Variants in OSBPL8 observed in about 807,000 individuals in gnomAD.
The protein encoded by OSBPL8 is oxysterol-binding protein-related protein 8.
OSBPL8 carries 59 observed loss-of-function variants against 125.5 expected under a neutral mutation model. The observed-to-expected ratio is 0.47, with a 90% CI of 0.38 to 0.58. The LOEUF is 0.58. OSBPL8 is among the 20% of genes least tolerant of loss of function. The probability of loss-of-function intolerance (pLI) is 0.00; values close to 1 mark genes in which losing one functional copy is unlikely to be tolerated. For synonymous variants in OSBPL8, 330 were observed against 338.9 expected (o/e 0.97, Z 0.29); for missense variants, 758 against 1,047.8 (o/e 0.72, Z 3.82).
At chr12:76,380,485 G>A (rs1375821562) in intron 15 of OSBPL8, among the ~76,000 whole-genome samples, 1 of 133,486 alleles carries the variant, frequency 7.5e-6, no homozygotes. Context: ...AGGATCCCTT[G>A]AGCTCAGGAG....
At chr12:76,499,954 T>C (rs963936593) in intron 1 of OSBPL8, among the ~76,000 whole-genome samples, 4 of 152,156 alleles carry the variant, frequency 2.6e-5, no homozygotes, top group Non-Finnish European at 5.9e-5. Context: ...GCCTCAAAGC[T>C]ACCCTCCAAT....
chr12:76,395,995 C>CTA (rs564002304), intron 8 of OSBPL8, among the ~76,000 whole-genome samples: 1,702 of 148,296 alleles, frequency 0.011, 31 homozygotes, highest in African/African-American at 0.037. Flanking sequence ...TAGTAGAATA[C>CTA]TATATATATA....
At chr12:76,434,195 A>G (rs1168523768) in intron 4 of OSBPL8, among the ~76,000 whole-genome samples, 1 of 152,176 alleles carries the variant, frequency 6.6e-6, no homozygotes, top group African/African-American at 2.4e-5. Flanking sequence ...CCCAGAAATA[A>G]GCCCACACAT....
chr12:76,441,727 A>G (rs1391416385), intron 4 of OSBPL8, among the ~76,000 whole-genome samples: 3 of 152,104 alleles, frequency 2.0e-5, no homozygotes, highest in Non-Finnish European at 2.9e-5. Flanking sequence ...ACATCTTAAA[A>G]TCAAAACGAT....
intron 22 of OSBPL8, 88 bp from the exon 23 acceptor site, chr12:76,356,816 G>C: frequency 1.1e-6 from 1 of 883,638 alleles, no homozygotes; most frequent in African/African-American, 1.7e-5. Flanking sequence ...ATTTTCCTGG[G>C]CATTTGTTTT....
intron 2 of OSBPL8, among the ~76,000 whole-genome samples, chr12:76,487,247 T>C (rs1878247899): frequency 6.6e-6 from 1 of 152,000 alleles, no homozygotes; most frequent in South Asian, 2.1e-4. Flanking sequence ...CCCAGGCTGG[T>C]CTTGAACTCC....
chr12:76,502,461 A>G (rs1880002943), intron 1 of OSBPL8, among the ~76,000 whole-genome samples: 1 of 152,192 alleles, frequency 6.6e-6, no homozygotes, highest in African/African-American at 2.4e-5. Flanking sequence ...AAGGGGGTTT[A>G]CTAGGCTGGC....
chr12:76,413,858 T>C (rs1868334626), intron 4 of OSBPL8, among the ~76,000 whole-genome samples: 1 of 152,176 alleles, frequency 6.6e-6, no homozygotes, highest in Non-Finnish European at 1.5e-5. Flanking sequence ...CCAAATGTAT[T>C]TGTTGTCAAC....
intron 16 of OSBPL8, 38 bp from the exon 17 acceptor site, chr12:76,375,408 ATAG>A: frequency 1.5e-6 from 2 of 1,371,424 alleles, no homozygotes; most frequent in Non-Finnish European, 2.1e-6. Flanking sequence ...TGAAAAGAGT[ATAG>A]TATAGTATAT....
intron 17 of OSBPL8, among the ~76,000 whole-genome samples, chr12:76,374,449 T>C (rs575176387): frequency 3.9e-5 from 6 of 152,228 alleles, no homozygotes; most frequent in East Asian, 1.9e-4. Context: ...GTGGAAGTGA[T>C]ATAATTTGGC....
At chr12:76,523,426 T>A in intron 1 of OSBPL8, among the ~76,000 whole-genome samples, 1 of 152,182 alleles carries the variant, frequency 6.6e-6, no homozygotes, top group East Asian at 1.9e-4. Flanking sequence ...AACAGGTATT[T>A]TATAAAAAGT....
intron 16 of OSBPL8, among the ~76,000 whole-genome samples, chr12:76,377,306 G>A (rs1454214679): frequency 3.9e-5 from 6 of 152,100 alleles, no homozygotes; most frequent in Non-Finnish European, 7.4e-5. Flanking sequence ...TGTGATTGCT[G>A]GGTCAAATGG....
intron 4 of OSBPL8, among the ~76,000 whole-genome samples, chr12:76,414,713 A>G (rs1029536056): frequency 3.9e-5 from 6 of 151,984 alleles, no homozygotes; most frequent in Non-Finnish European, 2.9e-5. Context: ...TCAACCTCCC[A>G]AAGTGCTGGA....
chr12:76,422,823 A>G (rs1198552999), intron 4 of OSBPL8: 1 of 256,114 alleles, frequency 3.9e-6, no homozygotes, highest in African/African-American at 2.2e-5. Flanking sequence ...AATCAGCAAT[A>G]AACAGATAGA....
chr12:76,480,960 A>G (rs936767841), intron 2 of OSBPL8, among the ~76,000 whole-genome samples: 3 of 152,192 alleles, frequency 2.0e-5, no homozygotes, highest in Admixed American at 6.5e-5. Context: ...ACTGAGCTCA[A>G]TGTAGTCATA....
At position 76,534,519 on chromosome 12, in the gene OSBPL8, C is replaced by T. The variant is rs546264881; in HGVS notation, c.-68+24878G>A. Among the ~76,000 whole-genome samples the T allele has an allele frequency of 3.9e-5, 6 of 152,198 alleles. No individual in the cohort carries two copies. The East Asian group carries it at 5.8e-4, about 15-fold the overall frequency. ...ATACCAATTGCTGTCTAATTCCTTC[C>T]GACTAGCTGAAAGTACTTTGCTTCT... On this transcript the variant is annotated intron_variant, in intron 1 of 23. Coordinates refer to ENST00000261183, the MANE Select transcript of OSBPL8 (RefSeq NM_020841.5).
At chr12:76,385,631 G>A (rs1447934298) in intron 14 of OSBPL8, among the ~76,000 whole-genome samples, 4 of 151,968 alleles carry the variant, frequency 2.6e-5, no homozygotes, top group African/African-American at 9.7e-5. Context: ...AAGAATAAGC[G>A]GGTCAGGGTT....
At chr12:76,522,431 G>GGGGGCAGA (rs1882151092) in intron 1 of OSBPL8, among the ~76,000 whole-genome samples, 2 of 152,210 alleles carry the variant, frequency 1.3e-5, no homozygotes, top group South Asian at 4.2e-4. Context: ...GGTGGGAGGT[G>GGGGGCAGA]TTAGGATCAT....
At chr12:76,472,964 G>A (rs985243325) in intron 2 of OSBPL8, among the ~76,000 whole-genome samples, 1 of 152,102 alleles carries the variant, frequency 6.6e-6, no homozygotes, top group Non-Finnish European at 1.5e-5. Flanking sequence ...GGTCTGCTAA[G>A]TAGCAGGTGT....
Sources: allele counts gnomAD v4.1 joint callset (sites outside exome capture counted in the v4.1 genomes callset), GRCh38; gene constraint gnomAD v4.1.1; transcripts MANE v1.5; gene names NCBI Gene and HGNC (gene_info 2026-07-23, HGNC 2026-07-21).